The following PDILT variants were observed in gnomAD, a reference collection of about 807,000 sequenced individuals.
PDILT encodes protein disulfide isomerase like, testis expressed.
Under a neutral mutation model 53.7 loss-of-function variants are expected in PDILT, and 43 were observed. The observed-to-expected ratio is 0.80, with a 90% confidence interval of 0.63 to 1.03. The LOEUF (loss-of-function observed/expected upper bound fraction) is 1.03. Among genes scored for constraint, PDILT ranks in the 50% least tolerant of loss-of-function variants. The probability of loss-of-function intolerance (pLI) is 0.00; values close to 1 mark genes in which losing one functional copy is unlikely to be tolerated. For synonymous variants in PDILT, 282 were observed against 274.2 expected, an observed-to-expected ratio of 1.03 and a Z score of -0.28; for missense variants, 727 against 712.3, an observed-to-expected ratio of 1.02 and a Z score of -0.24.
At position 20,384,719 on chromosome 16, in the gene PDILT, T is replaced by C. The variant is rs539440383; in HGVS notation, c.335A>G (p.Glu112Gly). The C allele has an allele frequency of 1.9e-5, 31 of 1,614,136 alleles. 1 individual carries two copies. The South Asian group carries it at 3.4e-4, about 18-fold the overall frequency. The change falls in exon 3 of 12, where the codon GAG becomes GGG. Residue 112 changes from glutamate to glycine, a missense_variant. Transcript: ENST00000302451. ...CTCCGGGGCCTTGGTAATCCCAAAC[T>C]CCTGCTGAAGCTCCTTCTCTATGGT... Reference protein sequence around the residue: ...DITIEKELQQEFGITKAPELK... With the variant: ...DITIEKELQQGFGITKAPELK...
At chr16:20,360,438 A>G (rs1372022894) in intron 11 of PDILT, 130 bp downstream of exon 11, 4 of 858,156 alleles carry the variant, frequency 4.7e-6, no homozygotes, top group African/African-American at 1.7e-5. Flanking sequence ...CCCAACCTGG[A>G]TGCTTCTCCA....
intron 1 of PDILT, among the ~76,000 whole-genome samples, chr16:20,401,821 T>C (rs7405350): frequency 0.99 from 150,779 of 152,368 alleles, 74,638 homozygotes; most frequent in Middle Eastern, 1. Context: ...CATGTCCTCG[T>C]CTCCCAGGCC....
intron 10 of PDILT, 61 bp downstream of exon 10, chr16:20,362,343 C>A: frequency 6.4e-7 from 1 of 1,564,032 alleles, no homozygotes; most frequent in Non-Finnish European, 8.7e-7. Context: ...TAGGGAGAAA[C>A]TGAGTCCCTG....
At chr16:20,386,999 C>T (rs1966548039) in intron 2 of PDILT, among the ~76,000 whole-genome samples, 1 of 152,198 alleles carries the variant, frequency 6.6e-6, no homozygotes, top group Non-Finnish European at 1.5e-5. Flanking sequence ...AACCGGAGTG[C>T]TGGGGTCTGA....
intron 3 of PDILT, among the ~76,000 whole-genome samples, chr16:20,380,669 T>A (rs1471344974): frequency 2.0e-5 from 3 of 152,214 alleles, no homozygotes; most frequent in Admixed American, 6.5e-5. Flanking sequence ...AGTCTATCCC[T>A]TCTTGAAATT....
intron 3 of PDILT, among the ~76,000 whole-genome samples, chr16:20,380,530 G>A (rs1966448154): frequency 6.6e-6 from 1 of 152,058 alleles, no homozygotes; most frequent in African/African-American, 2.4e-5. Context: ...TAGAGATGGG[G>A]TTTCACCATC....
chr16:20,383,802 T>A (rs1202743965), intron 3 of PDILT, among the ~76,000 whole-genome samples: 1 of 152,154 alleles, frequency 6.6e-6, no homozygotes, highest in Non-Finnish European at 1.5e-5. Context: ...GTTTTGTTAC[T>A]TCCATCCTTC....
chr16:20,400,889 T>C (rs1044936687), intron 1 of PDILT, among the ~76,000 whole-genome samples: 1 of 152,204 alleles, frequency 6.6e-6, no homozygotes, highest in Non-Finnish European at 1.5e-5. Flanking sequence ...AATGTCATCA[T>C]ATCATCAAAT....
intron 2 of PDILT, among the ~76,000 whole-genome samples, chr16:20,387,761 C>T (rs368962032): frequency 2.6e-5 from 4 of 152,050 alleles, no homozygotes; most frequent in South Asian, 2.1e-4. Context: ...GCTGGGATTA[C>T]AGGCATGCAC....
chr16:20,378,447 C>G (rs1007416969), intron 3 of PDILT, among the ~76,000 whole-genome samples: 2 of 152,084 alleles, frequency 1.3e-5, no homozygotes, highest in Non-Finnish European at 2.9e-5. Context: ...TCTCCTTCTT[C>G]TTCTTTTTAT....
chr16:20,380,995 G>T (rs1466284721), intron 3 of PDILT, among the ~76,000 whole-genome samples: 1 of 152,214 alleles, frequency 6.6e-6, no homozygotes, highest in African/African-American at 2.4e-5. Flanking sequence ...CAGAGGACAC[G>T]GTGACAACTG....
In PDILT at chr16:20,372,561, A is replaced by C. The variant is rs1966322033; in HGVS notation, c.918+241T>G. Among the ~76,000 whole-genome samples, 6 of 152,230 alleles carry C rather than the reference A, an allele frequency of 3.9e-5. 1 individual carries two copies. Among genetic ancestry groups the C allele is most frequent in the Admixed American group, 3.9e-4 (6 of 15,278 alleles). On this transcript the variant is annotated intron_variant, in intron 7 of 11. Transcript: ENST00000302451. Reference sequence around the variant, plus strand: ...AGTAGACTCATTACAAAGAAGAGTGAAGAAGTGTAGATTTGGCATGGAAGA... The same window carrying C: ...AGTAGACTCATTACAAAGAAGAGTGCAGAAGTGTAGATTTGGCATGGAAGA...
At chr16:20,375,563 T>C (rs1011489857) in intron 4 of PDILT, among the ~76,000 whole-genome samples, 1 of 152,230 alleles carries the variant, frequency 6.6e-6, no homozygotes, top group Non-Finnish European at 1.5e-5. Context: ...AAAATCTACA[T>C]GAAAGGCTAT....
chr16:20,400,026 CT>C (rs1966711474), intron 1 of PDILT, among the ~76,000 whole-genome samples: 1 of 114,226 alleles, frequency 8.8e-6, no homozygotes, highest in Non-Finnish European at 1.8e-5. Flanking sequence ...ATCTATCTAT[CT>C]ATCTATCTAT....
intron 2 of PDILT, among the ~76,000 whole-genome samples, chr16:20,386,168 C>T (rs1482505673): frequency 1.3e-5 from 2 of 152,058 alleles, no homozygotes; most frequent in Non-Finnish European, 2.9e-5. Context: ...TGGGGAGGGA[C>T]TGGGGAAGCC....
At chr16:20,381,097 T>G (rs1439420778) in intron 3 of PDILT, among the ~76,000 whole-genome samples, 1 of 152,222 alleles carries the variant, frequency 6.6e-6, no homozygotes, top group Non-Finnish European at 1.5e-5. Flanking sequence ...AATAGAGGCC[T>G]AGAGGCAACC....
intron 2 of PDILT, among the ~76,000 whole-genome samples, chr16:20,388,151 G>C (rs1263530361): frequency 6.6e-6 from 1 of 152,106 alleles, no homozygotes; most frequent in African/African-American, 2.4e-5. Context: ...ATCTTCTATG[G>C]AAAGATGATG....
At chr16:20,369,767 G>C in intron 7 of PDILT, 78 bp from the exon 8 acceptor site, 1 of 1,434,432 alleles carries the variant, frequency 7.0e-7, no homozygotes, top group South Asian at 1.2e-5. Flanking sequence ...TGTGGACTAA[G>C]GGGATGCACA....
chr16:20,363,832 T>A (rs1596577488), intron 9 of PDILT, among the ~76,000 whole-genome samples: 2 of 152,242 alleles, frequency 1.3e-5, no homozygotes, highest in South Asian at 2.1e-4. Flanking sequence ...TGTGGACAGT[T>A]CTTTGGTCTT....
Sources: gnomAD v4.1 joint callset for allele counts (sites outside exome capture counted in the v4.1 genomes callset) on GRCh38, gnomAD v4.1.1 for gene constraint, MANE v1.5 for transcripts, NCBI Gene and HGNC (gene_info 2026-07-23, HGNC 2026-07-21) for gene names.